The following GPATCH8 variants were observed in gnomAD, a reference collection of about 807,000 sequenced individuals.
GPATCH8 encodes G patch domain-containing protein 8.
In GPATCH8, 18 loss-of-function variants were observed where a neutral mutation model predicts 118.3. The observed-to-expected ratio is 0.15, with a 90% confidence interval of 0.11 to 0.23. The LOEUF (loss-of-function observed/expected upper bound fraction) is 0.23. Ranked by LOEUF, GPATCH8 falls within the 10% of genes least tolerant of loss-of-function variation. The pLI, the probability that GPATCH8 is intolerant of heterozygous loss-of-function variation, is 1.00. For missense variants in GPATCH8, 1,631 were observed against 1,873.8 expected, an observed-to-expected ratio of 0.87 and a Z score of 2.39; for synonymous variants, 659 against 684.7, an observed-to-expected ratio of 0.96 and a Z score of 0.59.
intron 6 of GPATCH8, among the ~76,000 whole-genome samples, chr17:44,415,603 C>T (rs1460504472): frequency 1.3e-5 from 2 of 152,110 alleles, no homozygotes; most frequent in Admixed American, 6.6e-5. Context: ...AATCTGAAGG[C>T]GGATAAGTCA....
intron 1 of GPATCH8, among the ~76,000 whole-genome samples, chr17:44,500,548 C>G (rs147972946): frequency 3.3e-5 from 5 of 152,100 alleles, no homozygotes; most frequent in Non-Finnish European, 5.9e-5. Context: ...TTTTAATAGC[C>G]CAACTCCCTC....
At chr17:44,485,634 C>G (rs1435180381) in intron 1 of GPATCH8, among the ~76,000 whole-genome samples, 1 of 152,132 alleles carries the variant, frequency 6.6e-6, no homozygotes, top group Non-Finnish European at 1.5e-5. Flanking sequence ...GGCTACCATT[C>G]CCTCAATGAG....
intron 3 of GPATCH8, among the ~76,000 whole-genome samples, chr17:44,449,014 G>A (rs181662973): frequency 9.8e-5 from 15 of 152,286 alleles, no homozygotes; most frequent in African/African-American, 2.9e-4. Context: ...GGTGGCTCAC[G>A]CCTGTAATCC....
chr17:44,496,093 T>G (rs574887690), intron 1 of GPATCH8, among the ~76,000 whole-genome samples: 5 of 152,288 alleles, frequency 3.3e-5, no homozygotes, highest in Admixed American at 1.3e-4. Context: ...GGTCTCGAAC[T>G]CCTGACCCCG....
At chr17:44,476,010 A>G (rs1198258258) in intron 1 of GPATCH8, among the ~76,000 whole-genome samples, 1 of 151,930 alleles carries the variant, frequency 6.6e-6, no homozygotes, top group Non-Finnish European at 1.5e-5. Context: ...AGCCTGGGGG[A>G]CAGAACGAGA....
intron 1 of GPATCH8, among the ~76,000 whole-genome samples, chr17:44,489,696 A>C (rs1318848610): frequency 6.6e-6 from 1 of 151,590 alleles, no homozygotes; most frequent in Non-Finnish European, 1.5e-5. Flanking sequence ...AGGAGGAAAA[A>C]TGTGATTTCA....
intron 1 of GPATCH8, among the ~76,000 whole-genome samples, chr17:44,502,533 C>T (rs577123989): frequency 6.6e-6 from 1 of 152,184 alleles, no homozygotes; most frequent in Non-Finnish European, 1.5e-5. Flanking sequence ...CTCAATAGAG[C>T]TTGCCATCGT....
At chr17:44,483,678 G>A (rs2144426286) in intron 1 of GPATCH8, among the ~76,000 whole-genome samples, 1 of 152,006 alleles carries the variant, frequency 6.6e-6, no homozygotes, top group South Asian at 2.1e-4. Context: ...GTCTTGCTGT[G>A]TCACCCAGGC....
intron 1 of GPATCH8, among the ~76,000 whole-genome samples, chr17:44,475,495 T>C (rs2144384955): frequency 6.6e-6 from 1 of 151,044 alleles, no homozygotes; most frequent in African/African-American, 2.4e-5. Context: ...CCAGGAGATT[T>C]AGACCATCCT....
chr17:44,501,286 G>A (rs1301418468), intron 1 of GPATCH8, among the ~76,000 whole-genome samples: 1 of 152,028 alleles, frequency 6.6e-6, no homozygotes, highest in Admixed American at 6.6e-5. Context: ...GTATGGTGGC[G>A]GGTGCCTGTA....
chr17:44,405,852 G>A, intron 7 of GPATCH8, 69 bp downstream of exon 7: 2 of 1,146,472 alleles, frequency 1.7e-6, no homozygotes, highest in Admixed American at 1.8e-5. Context: ...ATTATAATCT[G>A]AAATCTATAA....
chr17:44,459,971 A>G (rs2051483871), intron 3 of GPATCH8, among the ~76,000 whole-genome samples: 1 of 152,246 alleles, frequency 6.6e-6, no homozygotes, highest in Non-Finnish European at 1.5e-5. Context: ...CTGTCACCAA[A>G]GAATCAGCCA....
At chr17:44,420,528 T>C (rs2049860002) in intron 6 of GPATCH8, among the ~76,000 whole-genome samples, 1 of 152,018 alleles carries the variant, frequency 6.6e-6, no homozygotes, top group Non-Finnish European at 1.5e-5. Flanking sequence ...CACCCTTAGT[T>C]GGGACAACCA....
At chr17:44,428,320 CT>C (rs2050164213) in intron 5 of GPATCH8, among the ~76,000 whole-genome samples, 1 of 151,780 alleles carries the variant, frequency 6.6e-6, no homozygotes, top group Non-Finnish European at 1.5e-5. Context: ...TGATGAAACC[CT>C]GTCTCTACTA....
chr17:44,438,231 T>C (rs914930851), intron 3 of GPATCH8, among the ~76,000 whole-genome samples: 3 of 152,176 alleles, frequency 2.0e-5, no homozygotes, highest in Admixed American at 6.5e-5. Flanking sequence ...GCAATTTATT[T>C]TGGTATCTTT....
chr17:44,422,171 A>C (rs776212033), intron 6 of GPATCH8, among the ~76,000 whole-genome samples: 1 of 152,108 alleles, frequency 6.6e-6, no homozygotes, highest in Non-Finnish European at 1.5e-5. Flanking sequence ...AGATAATCTG[A>C]AAGAGTTTTT....
At chr17:44,450,354 T>C (rs2051067344) in intron 3 of GPATCH8, among the ~76,000 whole-genome samples, 1 of 152,182 alleles carries the variant, frequency 6.6e-6, no homozygotes, top group Non-Finnish European at 1.5e-5. Context: ...ACAATTACCT[T>C]CTCTAAACAC....
chr17:44,409,980 C>T (rs1040267877), intron 6 of GPATCH8, among the ~76,000 whole-genome samples: 2 of 152,108 alleles, frequency 1.3e-5, no homozygotes, highest in Admixed American at 6.6e-5. Context: ...AAAGTATTCT[C>T]GTATCTTTAT....
chr17:44,424,334 G>A lies in GPATCH8; in HGVS notation c.492+15C>T. The A allele has an allele frequency of 1.3e-6, 2 of 1,567,746 alleles. No individual in the cohort carries two copies. Among genetic ancestry groups the A allele is most frequent in the Non-Finnish European group, 1.8e-6 (2 of 1,137,396 alleles). ...GATAGGTACCTTCTTCTGTTAGCAA[G>A]TAACTACAACTCACCTGCTTGTGTG... is the stretch of plus-strand genomic sequence containing the variant. On this transcript the variant is annotated intron_variant, in intron 6 of 7. Coordinates refer to ENST00000591680, the MANE Select transcript of GPATCH8 (RefSeq NM_001002909.4).
Sources: allele counts gnomAD v4.1 joint callset (sites outside exome capture counted in the v4.1 genomes callset), GRCh38; gene constraint gnomAD v4.1.1; transcripts MANE v1.5; gene names NCBI Gene and HGNC (gene_info 2026-07-23, HGNC 2026-07-21).